The following FLNB variants were observed in gnomAD, a reference collection of about 807,000 sequenced individuals.
FLNB encodes the protein filamin-B.
Under a neutral mutation model 250.6 loss-of-function variants are expected in FLNB, and 111 were observed. That is an observed-to-expected ratio of 0.44 (90% CI 0.38 to 0.52). The LOEUF is 0.52. Among genes scored for constraint, FLNB ranks in the 20% least tolerant of loss-of-function variants. FLNB has a pLI of 0.00. For missense variants in FLNB, 2,869 were observed against 3,447.8 expected, an observed-to-expected ratio of 0.83 and a Z score of 4.20; for synonymous variants, 1,302 against 1,372.1, an observed-to-expected ratio of 0.95 and a Z score of 1.13.
intron 24 of FLNB, among the ~76,000 whole-genome samples, chr3:58,128,096 T>A (rs910034834): frequency 6.6e-6 from 1 of 152,162 alleles, no homozygotes; most frequent in African/African-American, 2.4e-5. Context: ...CAGCGGGGTC[T>A]TGTTCTTCTT....
rs373966798 is a variant in FLNB at position 58,054,114 on chromosome 3, C to T, written c.293-22932C>T. ...GTGAGAGTGCCTGGAATTGCCCACT[C>T]ACTGGCTCTGGAGCTTGGTGCTGAG... On this transcript the variant is annotated intron_variant, in intron 1 of 45. Coordinates refer to ENST00000295956, the MANE Select transcript of FLNB (RefSeq NM_001457.4). Among the ~76,000 whole-genome samples the T allele has an allele frequency of 5.3e-5, 8 of 152,266 alleles. 1 individual carries two copies. The highest frequency in any genetic ancestry group is 3.3e-4 in the Admixed American group (5 of 15,310).
intron 5 of FLNB, among the ~76,000 whole-genome samples, chr3:58,095,369 T>C (rs1396977130): frequency 6.6e-6 from 1 of 152,150 alleles, no homozygotes; most frequent in Non-Finnish European, 1.5e-5. Context: ...GCCCGGCTAA[T>C]TTTTGTAACC....
At chr3:58,015,494 G>A (rs1264781474) in intron 1 of FLNB, among the ~76,000 whole-genome samples, 4 of 152,126 alleles carry the variant, frequency 2.6e-5, no homozygotes, top group South Asian at 2.1e-4. Context: ...ATATATGAAA[G>A]CCCATCTCTG....
rs2097343319 is a variant in FLNB at position 58,150,667 on chromosome 3, TG to T, written c.6367+443del. On this transcript the variant is annotated intron_variant, in intron 38 of 45. Transcript: ENST00000295956. ...ACGAGGGCTGTGCTGCAGAACTCGC[TG>T]GGCCACATCTAGCCCTTTGGTGGTG... is the stretch of plus-strand genomic sequence containing the variant. The T allele has an allele frequency of 1.5e-5, 4 of 261,934 alleles. No homozygotes were observed. In the South Asian group the frequency reaches 1.9e-4, roughly 12 times the overall value. 16.2% of individuals were successfully genotyped at this position (261,934 alleles called of 1,614,324 possible). A position where few individuals can be genotyped will look rare whatever the true frequency, so the allele number is the denominator to read the frequency against.
chr3:58,041,639 G>C (rs963667533), intron 1 of FLNB, among the ~76,000 whole-genome samples: 14 of 152,194 alleles, frequency 9.2e-5, no homozygotes, highest in South Asian at 8.3e-4. Context: ...CAGTCACTGG[G>C]CCGGGAAGAC....
intron 15 of FLNB, 99 bp downstream of exon 15, chr3:58,109,798 T>C: frequency 1.3e-6 from 2 of 1,522,532 alleles, no homozygotes; most frequent in Non-Finnish European, 1.8e-6. Flanking sequence ...AAGTAGTCCA[T>C]CTGAATAGGT....
At position 58,154,810 on chromosome 3, in the gene FLNB, C is replaced by T; in HGVS notation, c.6654C>T (p.Thr2218=). The change falls in exon 40 of 46, where the codon ACC becomes ACT. Residue 2218 remains threonine, a synonymous_variant. Transcript: ENST00000295956. ...TCTCAGCTGAGTTCAGCATTTGGAC[C>T]CGGGAAGCAGGCGCTGGAGGCCTCT... ...AGVPAEFSIW[T]REAGAGGLSI... 1.9e-6 allele frequency: 3 copies of T among 1,613,978 alleles called. No homozygotes were observed. Among genetic ancestry groups the T allele is most frequent in the Non-Finnish European group, 2.5e-6 (3 of 1,179,988 alleles).
intron 42 of FLNB, 101 bp downstream of exon 42, chr3:58,159,787 G>C (rs2097358670): frequency 8.0e-7 from 1 of 1,249,492 alleles, no homozygotes; most frequent in African/African-American, 1.5e-5. Flanking sequence ...TTTCATTACT[G>C]CCAGTGAGCC....
chr3:58,153,608 C>T lies in FLNB; in HGVS notation c.6601C>T (p.Pro2201Ser). 1.2e-6 allele frequency: 2 copies of T among 1,614,120 alleles called. No homozygotes were observed. Among genetic ancestry groups the T allele is most frequent in the African/African-American group, 1.3e-5 (1 of 75,064 alleles). The part of the protein sequence containing the change: ...GGAHKVRAGG[P>S]GLERGEAGVP... ...CGCCCACAAGGTGCGGGCAGGAGGC[C>T]CTGGCCTGGAGAGAGGAGAAGCGGG... Residue 2201 changes from proline to serine, a missense_variant, in exon 39 of 46, where the codon CCT (proline) becomes TCT (serine). Transcript: ENST00000295956.
chr3:58,082,063 G>T (rs1469573543), intron 4 of FLNB, among the ~76,000 whole-genome samples: 2 of 152,146 alleles, frequency 1.3e-5, no homozygotes, highest in East Asian at 3.8e-4. Context: ...CGCGGGGTAG[G>T]GAGTCGGGGG....
intron 41 of FLNB, among the ~76,000 whole-genome samples, chr3:58,157,885 C>G (rs1172764661): frequency 6.6e-6 from 1 of 152,232 alleles, no homozygotes; most frequent in African/African-American, 2.4e-5. Flanking sequence ...CAGGCTGTTT[C>G]TTAAGCTTTT....
rs142744330 is a variant in FLNB, at chr3:58,061,806, G to T, written c.293-15240G>T. 3.2e-3 allele frequency among the ~76,000 whole-genome samples: 487 copies of T among 151,788 alleles called. 11 individuals carry two copies. The highest frequency in any genetic ancestry group is 0.021 in the Admixed American group (326 of 15,230). On this transcript the variant is annotated intron_variant, in intron 1 of 45. Coordinates refer to ENST00000295956, the MANE Select transcript of FLNB (RefSeq NM_001457.4). ...TTAAATTTTAAAAATTAAATTTTTG[G>T]GGGGGCTGGGTGTGGTGGCTCATGC...
intron 1 of FLNB, among the ~76,000 whole-genome samples, chr3:58,060,900 A>T (rs2097177576): frequency 6.6e-6 from 1 of 152,044 alleles, no homozygotes; most frequent in Non-Finnish European, 1.5e-5. Context: ...CTCCTCTGGC[A>T]AGCTGTTTGG....
Position 58,169,860 on chromosome 3 carries a change from G to A in FLNB, c.7621+67G>A, listed in dbSNP as rs1280418286. ...CAGGCTGGGCACCCTGGGTACACTG[G>A]CCTTCCCTGCTGAGGTCTCCTGCAG... On this transcript the variant is annotated intron_variant, in intron 45 of 45. Transcript: ENST00000295956. This position sits in a 1 kb window ranked among gnomAD's most constrained non-coding sequence, Gnocchi z 4.8. 2.5e-5 allele frequency: 34 copies of A among 1,365,462 alleles called. No homozygotes were observed. Among genetic ancestry groups the A allele is most frequent in the Non-Finnish European group, 3.0e-5 (29 of 972,300 alleles). The allele number at this position is 1,365,462 out of a possible 1,614,324, so 84.6% of individuals were successfully genotyped here. A position where few individuals can be genotyped will look rare whatever the true frequency, so the allele number is the denominator to read the frequency against.
intron 28 of FLNB, 77 bp from the exon 29 acceptor site, chr3:58,138,205 G>T: frequency 6.3e-7 from 1 of 1,593,244 alleles, no homozygotes; most frequent in Non-Finnish European, 8.6e-7. Flanking sequence ...CAGACAACAT[G>T]GATGGGTATG....
chr3:58,045,994 G>A (rs1032881464), intron 1 of FLNB, among the ~76,000 whole-genome samples: 47 of 89,828 alleles, frequency 5.2e-4, no homozygotes, highest in African/African-American at 2.2e-3. Flanking sequence ...GCGAGACTCC[G>A]TCTCCAAAAA....
chr3:58,059,142 C>G (rs551442423), intron 1 of FLNB, among the ~76,000 whole-genome samples: 1 of 152,244 alleles, frequency 6.6e-6, no homozygotes, highest in African/African-American at 2.4e-5. Context: ...GCCACTGAAA[C>G]CCCCTTTTCT....
intron 41 of FLNB, among the ~76,000 whole-genome samples, chr3:58,158,990 C>T (rs1030192534): frequency 1.3e-5 from 2 of 151,624 alleles, no homozygotes; most frequent in Admixed American, 6.6e-5. Flanking sequence ...AACTGAGACT[C>T]GAAGAGGTTT....
chr3:58,048,651 A>T (rs1559656950), intron 1 of FLNB, among the ~76,000 whole-genome samples: 2 of 152,204 alleles, frequency 1.3e-5, no homozygotes, highest in African/African-American at 4.8e-5. Flanking sequence ...TATAATGATT[A>T]GGTAACCTGT....
Sources: gnomAD v4.1 joint callset for allele counts (sites outside exome capture counted in the v4.1 genomes callset) on GRCh38, gnomAD v4.1.1 for gene constraint, Gnocchi (gnomAD v3.1) non-coding constraint, MANE v1.5 for transcripts, NCBI Gene and HGNC (gene_info 2026-07-23, HGNC 2026-07-21) for gene names.